Variants in TLR6 observed in about 807,000 individuals in gnomAD.
TLR6 encodes toll-like receptor 6.
A neutral mutation model predicts 16.1 loss-of-function variants in TLR6; 9 were observed. The observed-to-expected ratio is 0.56, with a 90% CI of 0.34 to 0.98. The LOEUF (loss-of-function observed/expected upper bound fraction) is 0.98. Among genes scored for constraint, TLR6 ranks in the 50% least tolerant of loss-of-function variants. TLR6 has a pLI of 0.02. For synonymous variants in TLR6, 340 were observed against 338.6 expected, an observed-to-expected ratio of 1.00 and a Z score of -0.04; for missense variants, 786 against 921.0, an observed-to-expected ratio of 0.85 and a Z score of 1.90.
intron 1 of TLR6, among the ~76,000 whole-genome samples, chr4:38,840,027 A>G (rs1417302366): frequency 6.6e-6 from 1 of 152,212 alleles, no homozygotes; most frequent in African/African-American, 2.4e-5. Context: ...GAATCCTCAA[A>G]TCATAATGAC....
At chr4:38,833,981 C>T (rs1386015974) in intron 1 of TLR6, among the ~76,000 whole-genome samples, 1 of 151,634 alleles carries the variant, frequency 6.6e-6, no homozygotes, top group Non-Finnish European at 1.5e-5. Flanking sequence ...AATCCCAGCA[C>T]TTTGGGAGGC....
intron 1 of TLR6, among the ~76,000 whole-genome samples, chr4:38,839,275 A>AG (rs1712122690): frequency 6.6e-6 from 1 of 151,350 alleles, no homozygotes; most frequent in African/African-American, 2.4e-5. Flanking sequence ...ACAAAAAAAA[A>AG]CTGCTCTAAA....
chr4:38,861,279 C>T (rs866281111), upstream of TLR6, among the ~76,000 whole-genome samples: 2 of 152,266 alleles, frequency 1.3e-5, no homozygotes, highest in Middle Eastern at 6.8e-3. Context: ...TTCCATTCAC[C>T]TGGCCTCTGA....
chr4:38,827,868 C>T lies in TLR6; in HGVS notation c.1606G>A (p.Glu536Lys), dbSNP rs1184370438. ...ATATTTTTGACAAATTCTCTTAGCT[C>T]ACAGGTACATTGGAATGGATTGTCC... The change falls in exon 2 of 2, where the codon GAG becomes AAG. Residue 536 changes from glutamate to lysine, a missense_variant. Coordinates refer to ENST00000436693, the Ensembl canonical transcript of TLR6. The T allele has an allele frequency of 2.5e-6, 4 of 1,614,220 alleles. No individual in the cohort carries two copies. The Admixed American group carries it at 6.7e-5, about 27-fold the overall frequency.
At chr4:38,834,073 A>C (rs1421941083) in intron 1 of TLR6, among the ~76,000 whole-genome samples, 3 of 151,092 alleles carry the variant, frequency 2.0e-5, no homozygotes, top group Non-Finnish European at 4.4e-5. Context: ...CTAAAAAAAA[A>C]AAAAAATTAC....
At chr4:38,861,454 G>A (rs12500302), upstream of TLR6, among the ~76,000 whole-genome samples, 61,741 of 151,768 alleles carry the variant, frequency 0.41, 13,465 homozygotes, top group Middle Eastern at 0.52. Flanking sequence ...TCTTCCTCCA[G>A]TGCCAACGAT....
At chr4:38,861,790 G>A (rs1713201164), upstream of TLR6, among the ~76,000 whole-genome samples, 1 of 151,992 alleles carries the variant, frequency 6.6e-6, no homozygotes, top group Admixed American at 6.6e-5. Flanking sequence ...CTCGTGTCTA[G>A]GTCCTCTTTA....
intron 1 of TLR6, among the ~76,000 whole-genome samples, chr4:38,847,093 C>T (rs1466805336): frequency 6.6e-6 from 1 of 151,960 alleles, no homozygotes; most frequent in Non-Finnish European, 1.5e-5. Context: ...TTGAGTAAGT[C>T]AAACAAGAAA....
chr4:38,860,738 G>A (rs1359372878), upstream of TLR6, among the ~76,000 whole-genome samples: 1 of 152,084 alleles, frequency 6.6e-6, no homozygotes, highest in East Asian at 1.9e-4. Flanking sequence ...CAAACACATG[G>A]AAAGGTATGC....
At position 38,828,846 on chromosome 4, in the gene TLR6, C is replaced by T. The variant is rs137853179; in HGVS notation, c.628G>A (p.Ala210Thr). Residue 210 changes from alanine (A) to threonine (T), a missense_variant, in exon 2 of 2, where the codon GCT becomes ACT. Ala to Thr is a moderately conservative substitution (Grantham distance 58). Coordinates refer to ENST00000436693, the Ensembl canonical transcript of TLR6. ...TTAACTGATATGTTCACTTGGATAG[C>T]GAATAAACTAGTTGGGTGAAAAACA... 11 of 1,613,902 alleles carry T rather than the reference C, an allele frequency of 6.8e-6. No homozygotes were observed. The highest frequency in any genetic ancestry group is 5.3e-5 in the African/African-American group (4 of 75,032).
chr4:38,846,680 A>G (rs979049051), intron 1 of TLR6, among the ~76,000 whole-genome samples: 2 of 152,208 alleles, frequency 1.3e-5, no homozygotes. Flanking sequence ...CTAAGTACCA[A>G]AAAGTATTGA....
At chr4:38,850,940 T>C (rs150355613) in intron 1 of TLR6, among the ~76,000 whole-genome samples, 1,591 of 152,260 alleles carry the variant, frequency 0.01, 27 homozygotes, top group African/African-American at 0.036. Flanking sequence ...AAGAGAATTT[T>C]AGACCAATAT....
intron 1 of TLR6, among the ~76,000 whole-genome samples, chr4:38,850,575 A>C (rs1320207182): frequency 6.6e-6 from 1 of 152,232 alleles, no homozygotes; most frequent in Non-Finnish European, 1.5e-5. Context: ...AGAAATACAA[A>C]CTACCATCAG....
At position 38,829,365 on chromosome 4, in the gene TLR6, C is replaced by G. The variant is rs1019704360; in HGVS notation, c.109G>C (p.Asp37His). Residue 37 changes from aspartate (D) to histidine (H), a missense_variant, in exon 2 of 2, where the codon GAC becomes CAC. Asp to His is a moderately conservative substitution (Grantham distance 81, BLOSUM62 -1). Transcript: ENST00000436693. ...TGAATAAGACCTCTTTTTGACTTGT[C>G]TACTGCAAATTCATTTCCGTCGGAG... 6.2e-7 allele frequency: 1 copy of G among 1,613,990 alleles called. No individual in the cohort carries two copies. The highest frequency in any genetic ancestry group is 1.3e-5 in the African/African-American group (1 of 74,916).
exon 2 of TLR6, chr4:38,828,377 G>A (rs1343005211): frequency 1.2e-6 from 2 of 1,613,044 alleles, no homozygotes; most frequent in East Asian, 2.2e-5. Flanking sequence ...AATACTATCT[G>A]TGAAAACGTT....
the TLR6 span, among the ~76,000 whole-genome samples, chr4:38,866,603 A>G: frequency 4.6e-5 from 7 of 152,096 alleles, no homozygotes; most frequent in African/African-American, 1.4e-4. Flanking sequence ...TTACAAACAT[A>G]TTGCAATATA....
chr4:38,824,091 C>G (rs1023038847), exon 2 of TLR6: 3 of 122,904 alleles, frequency 2.4e-5, no homozygotes, highest in Admixed American at 7.4e-5. Context: ...CGCCCCCGCC[C>G]CCCCCTGCCT....
At chr4:38,867,159 CT>C in the TLR6 span, among the ~76,000 whole-genome samples, 10 of 152,328 alleles carry the variant, frequency 6.6e-5, no homozygotes, top group South Asian at 2.1e-4. Context: ...GTTACTGTAG[CT>C]TACTTCACCA....
At chr4:38,868,068 TGTGA>T in the TLR6 span, 14 of 414,810 alleles carry the variant, frequency 3.4e-5, no homozygotes, top group East Asian at 9.3e-5. Flanking sequence ...AGTGTGTGTG[TGTGA>T]GTGTGTGTCG....
Sources: gnomAD v4.1 joint callset for allele counts (sites outside exome capture counted in the v4.1 genomes callset) on GRCh38, gnomAD v4.1.1 for gene constraint, MANE v1.5 for transcripts, NCBI Gene and HGNC (gene_info 2026-07-23, HGNC 2026-07-21) for gene names.